Variants in CCR3 observed in about 807,000 individuals in gnomAD.
CCR3 encodes the protein C-C chemokine receptor type 3.
For missense variants in CCR3, 419 were observed against 437.5 expected, an observed-to-expected ratio of 0.96 and a Z score of 0.38; for synonymous variants, 203 against 179.2, an observed-to-expected ratio of 1.13 and a Z score of -1.06.
At chr3:46,246,953 G>C (rs1017864610) in intron 1 of CCR3, among the ~76,000 whole-genome samples, 3 of 151,876 alleles carry the variant, frequency 2.0e-5, no homozygotes, top group Admixed American at 1.3e-4. Flanking sequence ...AACATTTGTC[G>C]TATAGAATGA....
intron 1 of CCR3, among the ~76,000 whole-genome samples, chr3:46,252,795 T>C (rs1213508287): frequency 1.3e-5 from 2 of 152,186 alleles, no homozygotes; most frequent in African/African-American, 4.8e-5. Context: ...CTCTTGTGTT[T>C]GCCATTCATG....
chr3:46,245,752 G>A (rs1171003499), intron 1 of CCR3, among the ~76,000 whole-genome samples: 3 of 151,430 alleles, frequency 2.0e-5, no homozygotes, highest in Non-Finnish European at 4.4e-5. Context: ...TCTCTTCTTT[G>A]TGTTCATGAG....
chr3:46,211,506 G>A (rs1699714074), intron 2 of CCR3, among the ~76,000 whole-genome samples: 1 of 151,942 alleles, frequency 6.6e-6, no homozygotes, highest in South Asian at 2.1e-4. Context: ...TTACAGGTGT[G>A]ACCTGTGATC....
Position 46,220,349 on chromosome 3 carries a change from T to C in CCR3, c.-68+9442T>C, listed in dbSNP as rs117962296. The stretch of plus-strand genomic sequence containing the variant: ...AAAATCAAAAAATAATAGATAATAA[T>C]AATAGATGTTGGCAGGGATGTGGTG... On this transcript the variant is annotated intron_variant, in intron 2 of 3. Coordinates refer to the CCR3 transcript ENST00000357422. 1.9e-3 allele frequency among the ~76,000 whole-genome samples: 290 copies of C among 152,190 alleles called. 5 individuals are homozygous for C. In the East Asian group the frequency reaches 0.046, roughly 24 times the overall value.
chr3:46,258,741 T>G (rs1340149597), intron 1 of CCR3, among the ~76,000 whole-genome samples: 1 of 152,214 alleles, frequency 6.6e-6, no homozygotes, highest in Non-Finnish European at 1.5e-5. Context: ...AGTTAGTGGC[T>G]GCTGACAAGC....
At chr3:46,218,518 G>A (rs992672113) in intron 2 of CCR3, among the ~76,000 whole-genome samples, 1 of 151,790 alleles carries the variant, frequency 6.6e-6, no homozygotes, top group Non-Finnish European at 1.5e-5. Context: ...AGGAAATGAC[G>A]TAATGAAAAA....
intron 1 of CCR3, chr3:46,264,493 C>T (rs762914278): frequency 7.5e-7 from 1 of 1,341,806 alleles, no homozygotes. Context: ...ATTTAAAAAT[C>T]ACTACATTTG....
At chr3:46,264,071 T>A (rs188933451) in intron 1 of CCR3, 75 of 291,130 alleles carry the variant, frequency 2.6e-4, no homozygotes, top group African/African-American at 1.6e-3. Context: ...TCCTGCCTTA[T>A]CTGTTTTCTA....
chr3:46,226,349 G>A (rs1259584818), intron 2 of CCR3, among the ~76,000 whole-genome samples: 1 of 152,072 alleles, frequency 6.6e-6, no homozygotes, highest in Non-Finnish European at 1.5e-5. Context: ...GGTCTTCTTT[G>A]ATTTATTTTA....
chr3:46,235,249 A>G (rs1230261546), intron 2 of CCR3, among the ~76,000 whole-genome samples: 2 of 152,130 alleles, frequency 1.3e-5, no homozygotes, highest in Non-Finnish European at 2.9e-5. Context: ...GGGGCAGGGG[A>G]CAGGGAAGGG....
At chr3:46,212,118 C>T (rs1218673390) in intron 2 of CCR3, among the ~76,000 whole-genome samples, 1 of 152,140 alleles carries the variant, frequency 6.6e-6, no homozygotes, top group African/African-American at 2.4e-5. Context: ...CGTGATACAA[C>T]CTCAACATTC....
At chr3:46,239,218 G>A (rs1700053374), upstream of CCR3, among the ~76,000 whole-genome samples, 2 of 152,072 alleles carry the variant, frequency 1.3e-5, no homozygotes, top group Non-Finnish European at 2.9e-5. Flanking sequence ...GTGTAGAAAT[G>A]GAAGTGACTG....
chr3:46,243,394 G>A (rs368558059), intron 1 of CCR3, among the ~76,000 whole-genome samples: 96 of 152,206 alleles, frequency 6.3e-4, no homozygotes, highest in African/African-American at 2.2e-3. Context: ...TGTGCATTAA[G>A]TATGTATGTG....
At chr3:46,221,906 G>T (rs2125923633) in intron 2 of CCR3, among the ~76,000 whole-genome samples, 1 of 152,240 alleles carries the variant, frequency 6.6e-6, no homozygotes, top group East Asian at 1.9e-4. Context: ...CCCTCACTTA[G>T]CTCTGCCTGC....
chr3:46,242,211 C>A (rs201401169), upstream of CCR3, among the ~76,000 whole-genome samples: 14 of 151,896 alleles, frequency 9.2e-5, no homozygotes, highest in Non-Finnish European at 1.3e-4. Flanking sequence ...CCTAAAGCAG[C>A]ACTAATTGCA....
rs987979300 is a variant in CCR3, at chr3:46,266,079, G to A, written c.921G>A (p.Arg307=). The change falls in exon 2 of 2, where the codon AGG becomes AGA. Residue 307 remains arginine (R), a synonymous_variant. Transcript: ENST00000395940. ...TGATCTACGCCTTTGTTGGAGAGAG[G>A]TTCCGGAAGTACCTGCGCCACTTCT... is the stretch of plus-strand genomic sequence containing the variant. ...NPVIYAFVGE[R]FRKYLRHFFH... is the part of the protein sequence containing the mutation. 1 of 1,614,006 alleles carries A rather than the reference G, an allele frequency of 6.2e-7. No homozygotes were observed. Among genetic ancestry groups the A allele is most frequent in the Non-Finnish European group, 8.5e-7 (1 of 1,180,022 alleles).
chr3:46,265,195 A>T lies in CCR3; in HGVS notation c.37A>T (p.Thr13Ser). ...ACTAGATACAGTTGAGACCTTTGGT[A>T]CCACATCCTACTATGATGACGTGGG... ...TSLDTVETFG[T>S]TSYYDDVGLL... The change falls in exon 2 of 2, where the codon ACC becomes TCC. Residue 13 changes from threonine to serine, a missense_variant. Thr to Ser is a moderately conservative substitution (Grantham distance 58). Coordinates refer to ENST00000395940, the MANE Select transcript of CCR3 (RefSeq NM_178329.3). 1.2e-6 allele frequency: 2 copies of T among 1,613,862 alleles called. No homozygotes were observed. Among genetic ancestry groups the T allele is most frequent in the Non-Finnish European group, 8.5e-7 (1 of 1,179,854 alleles).
chr3:46,245,757 C>T (rs1343502732), intron 1 of CCR3, among the ~76,000 whole-genome samples: 1 of 152,072 alleles, frequency 6.6e-6, no homozygotes, highest in Non-Finnish European at 1.5e-5. Context: ...TCTTTGTGTT[C>T]ATGAGTTCTC....
rs1384093312 is a variant in CCR3 at position 46,265,833 on chromosome 3, G to A, written c.675G>A (p.Thr225=). ...MAICYTGIIK[T]LLRCPSKKKY... ...TCTGCTACACAGGAATCATCAAAAC[G>A]CTGCTGAGGTGCCCCAGTAAAAAAA... Residue 225 remains threonine (T), a synonymous_variant, in exon 2 of 2, where the codon ACG becomes ACA. Transcript: ENST00000395940. The A allele has an allele frequency of 5.0e-6, 8 of 1,613,948 alleles. No individual in the cohort carries two copies. The highest frequency in any genetic ancestry group is 1.1e-5 in the South Asian group (1 of 91,062).
Sources: allele counts gnomAD v4.1 joint callset (sites outside exome capture counted in the v4.1 genomes callset), GRCh38; gene constraint gnomAD v4.1.1; transcripts MANE v1.5; gene names NCBI Gene and HGNC (gene_info 2026-07-23, HGNC 2026-07-21).